MYRIP: variants seen among roughly 807,000 people sequenced by gnomAD.
The protein encoded by MYRIP is myosin VIIA and Rab interacting protein.
In MYRIP, 49 loss-of-function variants were observed where a neutral mutation model predicts 98.0. The ratio of observed to expected loss-of-function variants is 0.50; its 90% CI spans 0.40 to 0.63. MYRIP has a LOEUF of 0.63. Ranked by LOEUF, MYRIP falls within the 30% of genes least tolerant of loss-of-function variation. MYRIP has a pLI of 0.00. For missense variants in MYRIP, 1,004 were observed against 1,058.2 expected (o/e 0.95, Z 0.71); for synonymous variants, 404 against 409.5 (o/e 0.99, Z 0.16).
intron 2 of MYRIP, among the ~76,000 whole-genome samples, chr3:40,013,781 G>T (rs1037039470): frequency 5.3e-5 from 8 of 152,216 alleles, no homozygotes; most frequent in African/African-American, 1.9e-4. Flanking sequence ...ATCAGCATCT[G>T]CAAAAGTTCT....
chr3:40,102,179 A>G (rs1023470833), intron 3 of MYRIP, among the ~76,000 whole-genome samples: 3 of 152,240 alleles, frequency 2.0e-5, no homozygotes, highest in Non-Finnish European at 4.4e-5. Flanking sequence ...CCCTGGTCTC[A>G]GAGTCCCTCT....
intron 2 of MYRIP, among the ~76,000 whole-genome samples, chr3:39,959,417 G>A (rs373736192): frequency 4.6e-5 from 7 of 151,852 alleles, no homozygotes; most frequent in East Asian, 3.9e-4. Context: ...GCAAACTATC[G>A]CAGGGACAGA....
chr3:40,083,811 G>A (rs1038852628), intron 3 of MYRIP, among the ~76,000 whole-genome samples: 7 of 151,982 alleles, frequency 4.6e-5, no homozygotes, highest in African/African-American at 1.7e-4. Flanking sequence ...TTCCTTATCT[G>A]GGGAAACATT....
chr3:40,022,729 G>C (rs550457194), intron 2 of MYRIP, among the ~76,000 whole-genome samples: 9 of 152,234 alleles, frequency 5.9e-5, no homozygotes, highest in African/African-American at 1.9e-4. Flanking sequence ...AGGATTTAAT[G>C]CAAGATTAAA....
intron 2 of MYRIP, among the ~76,000 whole-genome samples, chr3:39,988,117 A>T (rs1946078524): frequency 6.6e-6 from 1 of 152,144 alleles, no homozygotes; most frequent in Non-Finnish European, 1.5e-5. Flanking sequence ...CAATGAGAAC[A>T]CATGGACACA....
intron 1 of MYRIP, among the ~76,000 whole-genome samples, chr3:39,837,317 T>G (rs1433992135): frequency 6.6e-6 from 1 of 152,214 alleles, no homozygotes; most frequent in Non-Finnish European, 1.5e-5. Flanking sequence ...TGGTACTGCT[T>G]AAGTTTTCTT....
rs1037948058 is a variant in MYRIP, at chr3:40,190,388, C to T, written c.1590C>T (p.Ala530=). 2 of 1,613,788 alleles carry T rather than the reference C, an allele frequency of 1.2e-6. No homozygotes were observed. Among genetic ancestry groups the T allele is most frequent in the Non-Finnish European group, 1.7e-6 (2 of 1,179,926 alleles). The change falls in exon 10 of 17, where the codon GCC becomes GCT. Residue 530 remains alanine, a synonymous_variant. Transcript: ENST00000302541. The stretch of plus-strand genomic sequence containing the variant: ...GGCGGGCCAGGAGGTGGAGAAGAGC[C>T]CGACTGGGCTCAGAAGAGCCAAGCA... ...TDRRARRWRR[A]RLGSEEPSKE...
chr3:39,886,865 C>A (rs1378913179), intron 1 of MYRIP, among the ~76,000 whole-genome samples: 3 of 152,130 alleles, frequency 2.0e-5, no homozygotes, highest in Admixed American at 6.6e-5. Context: ...GAACTCTCCA[C>A]CCCAAATCAA....
intron 2 of MYRIP, among the ~76,000 whole-genome samples, chr3:40,036,264 A>T (rs1947380007): frequency 1.4e-5 from 2 of 143,132 alleles, no homozygotes. Context: ...ACAAAGGAAG[A>T]ATTACACTGA....
chr3:40,121,155 C>T (rs995419569), intron 3 of MYRIP, among the ~76,000 whole-genome samples: 19 of 152,128 alleles, frequency 1.2e-4, no homozygotes, highest in Admixed American at 9.8e-4. Flanking sequence ...AGGCAGGTCC[C>T]GCTAGGGAAG....
At chr3:40,000,062 A>T (rs920013369) in intron 2 of MYRIP, among the ~76,000 whole-genome samples, 3 of 151,214 alleles carry the variant, frequency 2.0e-5, no homozygotes, top group Admixed American at 6.6e-5. Context: ...ACAATAGGAA[A>T]TATACCTAAT....
intron 3 of MYRIP, among the ~76,000 whole-genome samples, chr3:40,081,508 G>A (rs189018019): frequency 1.6e-3 from 245 of 152,104 alleles, no homozygotes; most frequent in African/African-American, 5.3e-3. Context: ...TCTGTCCTTC[G>A]TTTTACTAAT....
rs139239363 is a variant in MYRIP, at chr3:39,907,019, A to G, written c.110+6093A>G. 3.1e-3 allele frequency among the ~76,000 whole-genome samples: 471 copies of G among 152,228 alleles called. 5 individuals carry two copies. Among genetic ancestry groups the G allele is most frequent in the Non-Finnish European group, 4.8e-3 (328 of 68,020 alleles). ...CCCCAGTGCTTCCTGTGTGACTCAGATAGAGGAGGCCTGGCATCAATTGGA... is the reference window on the plus strand; with the variant it reads ...CCCCAGTGCTTCCTGTGTGACTCAGGTAGAGGAGGCCTGGCATCAATTGGA... On this transcript the variant is annotated intron_variant, in intron 2 of 16. Transcript: ENST00000302541.
At chr3:39,832,012 T>C (rs771792024) in intron 1 of MYRIP, among the ~76,000 whole-genome samples, 1 of 152,204 alleles carries the variant, frequency 6.6e-6, no homozygotes, top group Non-Finnish European at 1.5e-5. Flanking sequence ...CAGAAGGAAG[T>C]TGAGAATTTT....
At chr3:39,923,523 A>G (rs1944350095) in intron 2 of MYRIP, among the ~76,000 whole-genome samples, 1 of 152,158 alleles carries the variant, frequency 6.6e-6, no homozygotes, top group Non-Finnish European at 1.5e-5. Flanking sequence ...TTTAGGTGCT[A>G]AAAGGGAAAA....
At chr3:40,144,068 A>G (rs1208688920) in intron 3 of MYRIP, among the ~76,000 whole-genome samples, 1 of 152,252 alleles carries the variant, frequency 6.6e-6, no homozygotes, top group Non-Finnish European at 1.5e-5. Flanking sequence ...AACTTAGAAC[A>G]TGATATTAGG....
At chr3:39,846,728 A>C (rs140603288) in intron 1 of MYRIP, among the ~76,000 whole-genome samples, 199 of 152,318 alleles carry the variant, frequency 1.3e-3, no homozygotes, top group Non-Finnish European at 1.8e-3. Context: ...TCTTGAGAGA[A>C]ACAGAATCAA....
intron 1 of MYRIP, among the ~76,000 whole-genome samples, chr3:39,844,624 C>G (rs1331792761): frequency 6.6e-6 from 1 of 152,172 alleles, no homozygotes; most frequent in African/African-American, 2.4e-5. Context: ...AAACACCTAG[C>G]ATGAGAAGAA....
At chr3:39,851,301 C>T (rs1942123021) in intron 1 of MYRIP, among the ~76,000 whole-genome samples, 1 of 152,194 alleles carries the variant, frequency 6.6e-6, no homozygotes, top group Admixed American at 6.5e-5. Flanking sequence ...AGCACACCCA[C>T]AGTGGTGACC....
Sources: allele counts gnomAD v4.1 joint callset (sites outside exome capture counted in the v4.1 genomes callset), GRCh38; gene constraint gnomAD v4.1.1; transcripts MANE v1.5; gene names NCBI Gene and HGNC (gene_info 2026-07-23, HGNC 2026-07-21).